Variants in COA1 observed in about 807,000 individuals in gnomAD.
COA1 encodes cytochrome c oxidase assembly factor 1, also known as cytochrome c oxidase assembly factor 1 homolog.
COA1 carries 13 observed loss-of-function variants against 16.0 expected under a neutral mutation model. The observed-to-expected ratio is 0.81, with a 90% CI of 0.53 to 1.29. The LOEUF (loss-of-function observed/expected upper bound fraction) is 1.29, where lower values mean the gene tolerates loss of function less well. COA1 is among the 50% of genes most tolerant of loss of function. The pLI is 0.00. For missense variants in COA1, 179 were observed against 177.0 expected (o/e 1.01, Z -0.06); for synonymous variants, 65 against 65.7 (o/e 0.99, Z 0.05).
At chr7:43,661,224 T>C (rs911245179) in intron 1 of COA1, among the ~76,000 whole-genome samples, 2 of 152,250 alleles carry the variant, frequency 1.3e-5, no homozygotes, top group African/African-American at 4.8e-5. Context: ...AGGATTGGGT[T>C]TTCCATTTTA....
chr7:43,644,789 G>GA (rs1442537142), intron 4 of COA1, among the ~76,000 whole-genome samples: 171 of 104,386 alleles, frequency 1.6e-3, no homozygotes, highest in African/African-American at 4.8e-3. Context: ...CAGGCAGGCA[G>GA]GCAGAGAGAC....
chr7:43,671,067 G>A (rs1385829849), intron 1 of COA1, among the ~76,000 whole-genome samples: 1 of 152,040 alleles, frequency 6.6e-6, no homozygotes, highest in Non-Finnish European at 1.5e-5. Flanking sequence ...TGAGACAACT[G>A]GATATCCACA....
chr7:43,680,028 A>G (rs2130336513), intron 1 of COA1, among the ~76,000 whole-genome samples: 1 of 152,276 alleles, frequency 6.6e-6, no homozygotes, highest in South Asian at 2.1e-4. Flanking sequence ...CAGAGATAAT[A>G]AATAATGGAA....
intron 1 of COA1, chr7:43,649,401 AAAAC>A (rs1463287505): frequency 2.6e-5 from 4 of 152,256 alleles, no homozygotes; most frequent in African/African-American, 9.6e-5. Context: ...TTGAAATGTG[AAAAC>A]AAACAGTGTC....
chr7:43,696,743 T>C (rs1424379922), intron 1 of COA1, among the ~76,000 whole-genome samples: 1 of 152,150 alleles, frequency 6.6e-6, no homozygotes, highest in Non-Finnish European at 1.5e-5. Context: ...TGGTTATTTC[T>C]GAGCAGGAAG....
At chr7:43,726,076 A>G (rs932864043) in intron 1 of COA1, among the ~76,000 whole-genome samples, 2 of 152,172 alleles carry the variant, frequency 1.3e-5, no homozygotes, top group African/African-American at 4.8e-5. Flanking sequence ...AGTACCTACT[A>G]TTTGGTGACC....
chr7:43,633,727 A>G (rs1391255508), intron 6 of COA1, among the ~76,000 whole-genome samples: 1 of 152,232 alleles, frequency 6.6e-6, no homozygotes, highest in African/African-American at 2.4e-5. Flanking sequence ...AGTGTAATAA[A>G]GTAAAACACA....
intron 6 of COA1, among the ~76,000 whole-genome samples, chr7:43,620,018 G>A (rs1270994078): frequency 2.0e-5 from 3 of 152,172 alleles, no homozygotes; most frequent in African/African-American, 7.2e-5. Flanking sequence ...CTTATCTGAG[G>A]GTGGGAGGAT....
intron 1 of COA1, among the ~76,000 whole-genome samples, chr7:43,688,372 G>T (rs2094131032): frequency 1.3e-5 from 2 of 152,022 alleles, no homozygotes; most frequent in South Asian, 4.1e-4. Context: ...TCATTGAAGA[G>T]ATTTTTTCCA....
At chr7:43,722,746 T>C (rs907520056) in intron 1 of COA1, among the ~76,000 whole-genome samples, 1 of 152,220 alleles carries the variant, frequency 6.6e-6, no homozygotes, top group Non-Finnish European at 1.5e-5. Flanking sequence ...CTCAAAAAGC[T>C]GGTGCATAAA....
At chr7:43,716,811 A>G (rs1031258329) in intron 1 of COA1, among the ~76,000 whole-genome samples, 7 of 152,146 alleles carry the variant, frequency 4.6e-5, no homozygotes, top group African/African-American at 1.7e-4. Context: ...TCCAGGCCCA[A>G]GGTCCCCATG....
chr7:43,632,997 A>C (rs2085326582), intron 6 of COA1: 1 of 152,266 alleles, frequency 6.6e-6, no homozygotes, highest in Non-Finnish European at 1.5e-5. Context: ...TTTTCAGAAT[A>C]GTCAATGAGC....
At chr7:43,645,467 T>C (rs2088993691) in intron 3 of COA1, 68 bp from the exon 4 acceptor site, 1 of 1,418,294 alleles carries the variant, frequency 7.1e-7, no homozygotes, top group East Asian at 2.3e-5. Flanking sequence ...ACACAGAAAA[T>C]TAAATAATCC....
At chr7:43,697,972 C>A (rs1014163453) in intron 1 of COA1, among the ~76,000 whole-genome samples, 6 of 152,204 alleles carry the variant, frequency 3.9e-5, no homozygotes, top group African/African-American at 1.4e-4. Flanking sequence ...CATTTAGGGA[C>A]ATGAGTTTCC....
At chr7:43,668,474 T>G (rs995112737) in intron 1 of COA1, among the ~76,000 whole-genome samples, 2 of 152,140 alleles carry the variant, frequency 1.3e-5, no homozygotes, top group Admixed American at 6.5e-5. Flanking sequence ...ACACACACGG[T>G]CCTATCATAA....
chr7:43,699,270 C>T (rs923230291), intron 1 of COA1, among the ~76,000 whole-genome samples: 6 of 152,100 alleles, frequency 3.9e-5, no homozygotes, highest in African/African-American at 1.4e-4. Context: ...AGCACAGCAA[C>T]AAGAAGTACC....
chr7:43,656,870 G>A (rs967025469), intron 1 of COA1, among the ~76,000 whole-genome samples: 2 of 151,798 alleles, frequency 1.3e-5, no homozygotes, highest in South Asian at 2.1e-4. Context: ...ACCACAGATC[G>A]CTTTCCAGTT....
rs567201493 is a variant in COA1, at chr7:43,619,461, ATTTC to A, written c.*134-9970_*134-9967del. On this transcript the variant is annotated intron_variant and NMD_transcript_variant, in intron 6 of 6. Coordinates refer to the COA1 transcript ENST00000415076. Reference sequence around the variant, plus strand: ...TACATAGGCAATAAATTGTAAAAATATTTCTTTAACAAATGACTGTTTACTGTTA... The same window carrying A: ...TACATAGGCAATAAATTGTAAAAATATTTAACAAATGACTGTTTACTGTTA... 396 of 1,156,494 alleles carry A rather than the reference ATTTC, an allele frequency of 3.4e-4. No homozygotes were observed. In the African/African-American group the frequency reaches 5.1e-3, roughly 15 times the overall value. 71.6% of individuals were successfully genotyped at this position (1,156,494 alleles called of 1,614,324 possible). A position where few individuals can be genotyped will look rare whatever the true frequency, so the allele number is the denominator to read the frequency against.
chr7:43,670,031 A>G (rs1474907384), intron 1 of COA1, among the ~76,000 whole-genome samples: 1 of 152,168 alleles, frequency 6.6e-6, no homozygotes, highest in African/African-American at 2.4e-5. Flanking sequence ...GATTCTAGAT[A>G]AAAAAAGAAG....
Sources: allele counts gnomAD v4.1 joint callset (sites outside exome capture counted in the v4.1 genomes callset), GRCh38; gene constraint gnomAD v4.1.1; transcripts MANE v1.5; gene names NCBI Gene and HGNC (gene_info 2026-07-23, HGNC 2026-07-21).